Variants in AGMO observed in about 807,000 individuals in gnomAD.
The protein encoded by AGMO is alkylglycerol monooxygenase.
Under a neutral mutation model 60.2 loss-of-function variants are expected in AGMO, and 75 were observed. The observed-to-expected ratio is 1.25, with a 90% CI of 1.03 to 1.51. The LOEUF is 1.51. Among genes scored for constraint, AGMO ranks in the 40% most tolerant of loss-of-function variants. AGMO has a pLI of 0.00. For synonymous variants in AGMO, 261 were observed against 177.1 expected (o/e 1.47, Z -3.76); for missense variants, 763 against 525.5 (o/e 1.45, Z -4.42).
the AGMO span, among the ~76,000 whole-genome samples, chr7:15,179,835 C>T: frequency 1.3e-5 from 2 of 152,116 alleles, no homozygotes; most frequent in South Asian, 2.1e-4. Flanking sequence ...AATTATCAAC[C>T]GGTAGACACT....
At chr7:15,185,795 T>C in the AGMO span, among the ~76,000 whole-genome samples, 2 of 152,222 alleles carry the variant, frequency 1.3e-5, no homozygotes, top group Non-Finnish European at 2.9e-5. Context: ...AGAATGAGGT[T>C]AATGGATTTT....
the AGMO span, among the ~76,000 whole-genome samples, chr7:15,130,890 C>T: frequency 2.0e-5 from 3 of 152,034 alleles, no homozygotes; most frequent in Admixed American, 1.3e-4. Flanking sequence ...CTTGAGCATT[C>T]CATCTGCTCT....
rs1781155547 is a variant in AGMO, at chr7:15,322,524, AT to A, written c.1263+42989del. Among the ~76,000 whole-genome samples, 4 of 86,400 alleles carry A rather than the reference AT, an allele frequency of 4.6e-5. 1 individual carries two copies. Among genetic ancestry groups the A allele is most frequent in the South Asian group, 6.9e-4 (2 of 2,916 alleles). The allele number at this position is 86,400 out of a possible 152,430, so 56.7% of individuals were successfully genotyped here. A position where few individuals can be genotyped will look rare whatever the true frequency, so the allele number is the denominator to read the frequency against. ...TATATAAATATATATATAAATATAT[AT>A]AAATATATAAATATATATATAAATA... On this transcript the variant is annotated intron_variant, in intron 12 of 12. Coordinates refer to ENST00000342526, the MANE Select transcript of AGMO (RefSeq NM_001004320.2).
At chr7:15,213,654 A>C (rs965988940) in intron 12 of AGMO, among the ~76,000 whole-genome samples, 1 of 151,930 alleles carries the variant, frequency 6.6e-6, no homozygotes, top group Non-Finnish European at 1.5e-5. Context: ...ACAGATTCCA[A>C]AATCGTCAAT....
chr7:15,493,362 C>CACACACACACACAT lies in AGMO; in HGVS notation c.409+51409_409+51410insATGTGTGTGTGTGT, dbSNP rs71004386. Among the ~76,000 whole-genome samples, 852 of 102,244 alleles carry CACACACACACACAT rather than the reference C, an allele frequency of 8.3e-3. 17 individuals are homozygous for CACACACACACACAT. Among genetic ancestry groups the CACACACACACACAT allele is most frequent in the African/African-American group, 0.028 (700 of 24,938 alleles). 67.1% of individuals were successfully genotyped at this position (102,244 alleles called of 152,430 possible). ...ACACACACACACACACACACACACA[C>CACACACACACACAT]TTCTTTTTTTTTTTTTTTTTTTTTT... On this transcript the variant is annotated intron_variant, in intron 3 of 12. Coordinates refer to ENST00000342526, the MANE Select transcript of AGMO (RefSeq NM_001004320.2).
chr7:15,274,017 T>C (rs1490551034), intron 12 of AGMO, among the ~76,000 whole-genome samples: 1 of 152,158 alleles, frequency 6.6e-6, no homozygotes, highest in Non-Finnish European at 1.5e-5. Flanking sequence ...TTAAGGAGAT[T>C]TTGGGCTGAG....
chr7:15,403,810 T>C (rs774149601), intron 5 of AGMO, among the ~76,000 whole-genome samples: 2 of 151,994 alleles, frequency 1.3e-5, no homozygotes, highest in Non-Finnish European at 2.9e-5. Context: ...ATTTCTGCTG[T>C]GTTAATTCAA....
At chr7:15,251,450 G>A (rs1782935831) in intron 12 of AGMO, among the ~76,000 whole-genome samples, 1 of 152,184 alleles carries the variant, frequency 6.6e-6, no homozygotes, top group South Asian at 2.1e-4. Flanking sequence ...AATGAAGAAA[G>A]GGAGCAACTA....
At position 15,322,581 on chromosome 7, in the gene AGMO, TATAA is replaced by T. The variant is rs1442132467; in HGVS notation, c.1263+42929_1263+42932del. ...AAATATATAAATATATATAAATATA[TATAA>T]ATATATAAATATATATAAATATATA... is the stretch of plus-strand genomic sequence containing the variant. On this transcript the variant is annotated intron_variant, in intron 12 of 12. Transcript: ENST00000342526. 3.0e-4 allele frequency among the ~76,000 whole-genome samples: 12 copies of T among 40,592 alleles called. 1 individual carries two copies. The highest frequency in any genetic ancestry group is 1.3e-4 in the African/African-American group (1 of 7,538). 26.6% of individuals were successfully genotyped at this position (40,592 alleles called of 152,430 possible).
At chr7:15,526,616 C>A (rs1351221899) in intron 3 of AGMO, among the ~76,000 whole-genome samples, 1 of 152,152 alleles carries the variant, frequency 6.6e-6, no homozygotes, top group Non-Finnish European at 1.5e-5. Context: ...TTTCCTGAGC[C>A]ATGGTCACTC....
chr7:15,451,592 A>C (rs116172818), intron 3 of AGMO, among the ~76,000 whole-genome samples: 7,999 of 152,210 alleles, frequency 0.053, 275 homozygotes, highest in Middle Eastern at 0.11. Flanking sequence ...TAATTAATAA[A>C]TATTTTCTAT....
At chr7:15,269,672 T>A (rs561596756) in intron 12 of AGMO, among the ~76,000 whole-genome samples, 7 of 152,198 alleles carry the variant, frequency 4.6e-5, no homozygotes, top group Non-Finnish European at 8.8e-5. Flanking sequence ...CATTGTTGCA[T>A]ATTGATGGGG....
At chr7:15,354,606 G>T (rs888143872) in intron 12 of AGMO, among the ~76,000 whole-genome samples, 6 of 140,518 alleles carry the variant, frequency 4.3e-5, no homozygotes, top group Non-Finnish European at 7.7e-5. Flanking sequence ...GATACATCTT[G>T]AGAAAGACTA....
chr7:15,214,992 A>G (rs1172502232), intron 12 of AGMO, among the ~76,000 whole-genome samples: 6 of 152,138 alleles, frequency 3.9e-5, no homozygotes, highest in Non-Finnish European at 7.4e-5. Context: ...ATGCCAACAG[A>G]AATTTTATTT....
chr7:15,242,161 T>A (rs185370292), intron 12 of AGMO, among the ~76,000 whole-genome samples: 2 of 152,304 alleles, frequency 1.3e-5, no homozygotes, highest in Admixed American at 1.3e-4. Flanking sequence ...CTTAGTTTCA[T>A]CTTTGTCATA....
At chr7:15,285,574 G>T (rs1231869160) in intron 12 of AGMO, among the ~76,000 whole-genome samples, 1 of 151,996 alleles carries the variant, frequency 6.6e-6, no homozygotes, top group Non-Finnish European at 1.5e-5. Flanking sequence ...AATCACAGAT[G>T]ACACAAACAA....
At chr7:15,380,330 A>G (rs1038063274) in intron 10 of AGMO, among the ~76,000 whole-genome samples, 1 of 152,124 alleles carries the variant, frequency 6.6e-6, no homozygotes, top group African/African-American at 2.4e-5. Context: ...ATACAAAATC[A>G]TATGCAAAAA....
chr7:15,248,224 A>ATCTATC (rs1554401299), intron 12 of AGMO, among the ~76,000 whole-genome samples: 7 of 98,746 alleles, frequency 7.1e-5, no homozygotes, highest in African/African-American at 2.4e-4. Context: ...ATATATATAT[A>ATCTATC]TCTTCATCTT....
intron 3 of AGMO, among the ~76,000 whole-genome samples, chr7:15,501,832 C>T (rs2128525546): frequency 6.6e-6 from 1 of 151,614 alleles, no homozygotes; most frequent in Admixed American, 6.6e-5. Context: ...ATAAATAATC[C>T]CAGGGAAATA....
Sources: allele counts gnomAD v4.1 joint callset (sites outside exome capture counted in the v4.1 genomes callset), GRCh38; gene constraint gnomAD v4.1.1; transcripts MANE v1.5; gene names NCBI Gene and HGNC (gene_info 2026-07-23, HGNC 2026-07-21).